The following DHX29 variants were observed in gnomAD, a reference collection of about 807,000 sequenced individuals.
DHX29 encodes DExH-box helicase 29, also known as ATP-dependent RNA helicase DHX29.
Under a neutral mutation model 167.9 loss-of-function variants are expected in DHX29, and 79 were observed. That is an observed-to-expected ratio of 0.47 (90% CI 0.39 to 0.57). The LOEUF (loss-of-function observed/expected upper bound fraction) is 0.57. Ranked by LOEUF, DHX29 falls within the 20% of genes least tolerant of loss-of-function variation. The pLI is 0.00. For missense variants in DHX29, 1,347 were observed against 1,593.4 expected, an observed-to-expected ratio of 0.85 and a Z score of 2.63; for synonymous variants, 530 against 546.0, an observed-to-expected ratio of 0.97 and a Z score of 0.41.
chr5:55,259,380 C>T (rs1746201102), intron 26 of DHX29, among the ~76,000 whole-genome samples: 1 of 152,078 alleles, frequency 6.6e-6, no homozygotes, highest in African/African-American at 2.4e-5. Context: ...TTTTTTACGA[C>T]TTCAGTGTGC....
At chr5:55,276,233 T>C in intron 14 of DHX29, 33 bp downstream of exon 14, 1 of 1,519,842 alleles carries the variant, frequency 6.6e-7, no homozygotes, top group Non-Finnish European at 8.8e-7. Flanking sequence ...TGGATATCAT[T>C]ATCTGATATC....
chr5:55,283,229 C>G lies in DHX29; in HGVS notation c.1939G>C (p.Gly647Arg). The change falls in exon 11 of 27, where the codon GGC becomes CGC. Residue 647 changes from glycine to arginine, a missense_variant. Physicochemically the swap from Gly to Arg is moderately radical, Grantham distance 125. Coordinates refer to ENST00000251636, the MANE Select transcript of DHX29 (RefSeq NM_019030.4). ...SLANRVCDEL[G>R]CENGPGGRNS... ...CTTCCTCCAGGTCCATTTTCACAGC[C>G]CAATTCATCACATACTCTGTTGGCT... 1 of 1,598,602 alleles carries G rather than the reference C, an allele frequency of 6.3e-7. No homozygotes were observed. The highest frequency in any genetic ancestry group is 1.1e-5 in the South Asian group (1 of 89,204).
At chr5:55,281,808 G>C (rs1321126358) in intron 11 of DHX29, among the ~76,000 whole-genome samples, 1 of 145,140 alleles carries the variant, frequency 6.9e-6, no homozygotes, top group South Asian at 2.1e-4. Flanking sequence ...TTTTTGAGAC[G>C]GAGTTTCATT....
At chr5:55,307,358 A>C in intron 1 of DHX29, 29 bp downstream of exon 1, 1 of 1,596,360 alleles carries the variant, frequency 6.3e-7, no homozygotes, top group Non-Finnish European at 8.6e-7. Flanking sequence ...CTCAGGGCAG[A>C]CAGCCAGGGG....
intron 7 of DHX29, 103 bp downstream of exon 7, chr5:55,290,115 T>G (rs1376131128): frequency 2.2e-6 from 3 of 1,360,630 alleles, no homozygotes; most frequent in Middle Eastern, 2.7e-4. Context: ...TATAAACTGT[T>G]AGAAAAGGGT....
intron 18 of DHX29, 121 bp from the exon 19 acceptor site, chr5:55,270,827 C>G (rs907148596): frequency 1.5e-6 from 1 of 664,424 alleles, no homozygotes; most frequent in Admixed American, 2.9e-5. Flanking sequence ...TATTGTGGAC[C>G]AATAGTTCTC....
chr5:55,261,391 TA>T lies in DHX29; in HGVS notation c.3936del (p.Ile1313LeufsTer11). ...IEVQHRERLL[S>X]IDGWIYFQAP... ...ACCTGAAAATAGATCCAGCCATCAA[TA>T]GAAAGAAGACGTTCTCGGTGCTGAA... On this transcript the variant is annotated frameshift_variant, in exon 25 of 27. Transcript: ENST00000251636. LOFTEE classifies it high-confidence loss of function. The T allele has an allele frequency of 6.3e-7, 1 of 1,584,732 alleles. No homozygotes were observed.
intron 23 of DHX29, among the ~76,000 whole-genome samples, chr5:55,265,844 A>G (rs895337844): frequency 6.6e-6 from 1 of 152,194 alleles, no homozygotes; most frequent in Admixed American, 6.5e-5. Context: ...AAGGAGTACA[A>G]GTAGATTGAC....
intron 1 of DHX29, among the ~76,000 whole-genome samples, chr5:55,302,947 G>A (rs1748680715): frequency 6.6e-6 from 1 of 152,128 alleles, no homozygotes; most frequent in Non-Finnish European, 1.5e-5. Flanking sequence ...TGGAAGTAAG[G>A]ATGTTAGTAT....
At position 55,269,476 on chromosome 5, in the gene DHX29, A is replaced by C. The variant is rs148007996; in HGVS notation, c.3231T>G (p.Pro1077=). The C allele has an allele frequency of 9.4e-5, 151 of 1,613,898 alleles. No individual in the cohort carries two copies. The highest frequency in any genetic ancestry group is 5.0e-4 in the Middle Eastern group (3 of 5,998). ...GCATCTTGCCAATCTTGACATTCAC[A>C]GGTAAAGCTGCAAGGTGTTGGCCCA... The part of the protein sequence containing the change: ...TPLGQHLAAL[P]VNVKIGKMLI... Residue 1077 remains proline, a synonymous_variant, in exon 21 of 27, where the codon CCT becomes CCG. Transcript: ENST00000251636.
At chr5:55,267,951 T>C (rs1746664680) in intron 21 of DHX29, 129 bp from the exon 22 acceptor site, 1 of 341,256 alleles carries the variant, frequency 2.9e-6, no homozygotes, top group Non-Finnish European at 4.5e-6. Flanking sequence ...CAATATTTTA[T>C]TATGTTTATT....
At chr5:55,307,305 C>A in intron 1 of DHX29, 82 bp downstream of exon 1, 1 of 1,237,348 alleles carries the variant, frequency 8.1e-7, no homozygotes. Flanking sequence ...CCCGAAGCTC[C>A]TCCCGGGTTC....
chr5:55,276,934 C>A (rs1461600239), intron 13 of DHX29, among the ~76,000 whole-genome samples, 172 bp downstream of exon 13: 1 of 152,160 alleles, frequency 6.6e-6, no homozygotes, highest in Non-Finnish European at 1.5e-5. Context: ...CCTATCCAGC[C>A]TCAGGCAAGG....
In DHX29 at chr5:55,289,361, T is replaced by G; in HGVS notation, c.975A>C (p.Glu325Asp). The change falls in exon 8 of 27, where the codon GAA becomes GAC. Residue 325 changes from glutamate to aspartate, a missense_variant. This residue lies in a region of DHX29 where 405 missense variants were observed against 416.8 expected (regional missense o/e 0.97). Transcript: ENST00000251636. ...CTGTGGCTACAGGAGGCTTTTTCCT[T>G]TCATTTTGTTGATGTGAAATCTTCA... ...PAMKISHQQN[E>D]RKKPPVATEG... 6.2e-7 allele frequency: 1 copy of G among 1,601,142 alleles called. No individual in the cohort carries two copies. Among genetic ancestry groups the G allele is most frequent in the Non-Finnish European group, 8.5e-7 (1 of 1,175,938 alleles).
In DHX29 at chr5:55,281,480, A is replaced by G. The variant is rs1479790283; in HGVS notation, c.2001T>C (p.Ser667=). 10 of 1,598,044 alleles carry G rather than the reference A, an allele frequency of 6.3e-6. No individual in the cohort carries two copies. In the African/African-American group the frequency reaches 1.3e-4, roughly 22 times the overall value. ...GTAACCTGGTAGATTCACAAGCTCG[A>G]GATTCCATCCGGATCTGATATCCAC... ...SLCGYQIRME[S]RACESTRLLY... is the part of the protein sequence containing the mutation. The change falls in exon 12 of 27, where the codon TCT becomes TCC. Residue 667 remains serine (S), a synonymous_variant. Coordinates refer to ENST00000251636, the MANE Select transcript of DHX29 (RefSeq NM_019030.4).
chr5:55,295,315 TTGAAC>T, intron 5 of DHX29, 59 bp downstream of exon 5: 7 of 1,253,014 alleles, frequency 5.6e-6, no homozygotes, highest in Non-Finnish European at 8.1e-6. Context: ...TTTATACTCT[TTGAAC>T]TGTTACATGT....
chr5:55,280,765 T>C (rs779120721), intron 12 of DHX29, among the ~76,000 whole-genome samples: 9 of 152,186 alleles, frequency 5.9e-5, no homozygotes, highest in Non-Finnish European at 1.3e-4. Context: ...TTCTTCATAG[T>C]AGTTCACTGC....
intron 18 of DHX29, 35 bp downstream of exon 18, chr5:55,272,052 T>C (rs1266520627): frequency 1.5e-6 from 2 of 1,298,546 alleles, no homozygotes; most frequent in Admixed American, 2.2e-5. Context: ...TCTTTCCAGG[T>C]TAAAAATGTT....
intron 12 of DHX29, among the ~76,000 whole-genome samples, chr5:55,280,263 T>C (rs1290008437): frequency 6.6e-6 from 1 of 152,178 alleles, no homozygotes; most frequent in African/African-American, 2.4e-5. Context: ...AAATGGCTAA[T>C]ACAAAACCAT....
Sources: allele counts gnomAD v4.1 joint callset (sites outside exome capture counted in the v4.1 genomes callset), GRCh38; gene constraint gnomAD v4.1.1; regional missense constraint gnomAD v4.1.1; transcripts MANE v1.5; gene names NCBI Gene and HGNC (gene_info 2026-07-23, HGNC 2026-07-21).